The following BRINP3 variants were observed in gnomAD, a reference collection of about 807,000 sequenced individuals.
BRINP3 encodes the protein BMP/retinoic acid-inducible neural-specific protein 3.
Under a neutral mutation model 71.0 loss-of-function variants are expected in BRINP3, and 19 were observed. The observed-to-expected ratio is 0.27, with a 90% CI of 0.19 to 0.39. BRINP3 has a LOEUF of 0.39. BRINP3 is among the 10% of genes least tolerant of loss of function. The pLI is 1.00. For synonymous variants in BRINP3, 380 were observed against 337.7 expected, an observed-to-expected ratio of 1.13 and a Z score of -1.37; for missense variants, 959 against 940.8, an observed-to-expected ratio of 1.02 and a Z score of -0.25.
chr1:190,240,594 G>A lies in BRINP3; in HGVS notation c.619-6117C>T, dbSNP rs181488462. ...TATTAAAACTCTCAAGTGGGGGTGG[G>A]TGTGATTGCTCAAGCATGTAATCCC... is the stretch of plus-strand genomic sequence containing the variant. On this transcript the variant is annotated intron_variant, in intron 4 of 7. Transcript: ENST00000367462. Among the ~76,000 whole-genome samples, 5 of 152,122 alleles carry A rather than the reference G, an allele frequency of 3.3e-5. No individual in the cohort carries two copies. In the East Asian group the frequency reaches 9.7e-4, roughly 29 times the overall value.
chr1:190,417,242 CA>C (rs896314962), intron 2 of BRINP3, among the ~76,000 whole-genome samples: 67 of 146,232 alleles, frequency 4.6e-4, no homozygotes, highest in African/African-American at 1.1e-3. Context: ...TGGCTCTTAA[CA>C]AAAAAAAAAT....
chr1:190,194,635 T>A (rs943675301), intron 6 of BRINP3, among the ~76,000 whole-genome samples: 1 of 152,002 alleles, frequency 6.6e-6, no homozygotes, highest in African/African-American at 2.4e-5. Context: ...GAAACCTGAT[T>A]TTTTTTCCTA....
intron 4 of BRINP3, among the ~76,000 whole-genome samples, chr1:190,245,134 C>G (rs1659466211): frequency 6.6e-6 from 1 of 151,892 alleles, no homozygotes; most frequent in Admixed American, 6.6e-5. Context: ...CCCGAGAGAA[C>G]TGATAAAGCG....
intron 6 of BRINP3, among the ~76,000 whole-genome samples, chr1:190,200,593 G>A (rs552610487): frequency 6.6e-6 from 1 of 152,032 alleles, no homozygotes; most frequent in African/African-American, 2.4e-5. Context: ...TGTTCAATTA[G>A]TCATGTGATG....
At chr1:190,463,960 C>G (rs1676566308) in intron 1 of BRINP3, among the ~76,000 whole-genome samples, 1 of 151,758 alleles carries the variant, frequency 6.6e-6, no homozygotes, top group Admixed American at 6.6e-5. Flanking sequence ...TAGGATTTTG[C>G]TATTCTATTT....
chr1:190,102,387 CTT>C (rs1651777966), intron 7 of BRINP3, among the ~76,000 whole-genome samples: 1 of 152,106 alleles, frequency 6.6e-6, no homozygotes, highest in African/African-American at 2.4e-5. Context: ...TGTATTTCCA[CTT>C]TGTTTCTTTT....
chr1:190,349,117 C>A (rs1400057205), intron 2 of BRINP3, among the ~76,000 whole-genome samples: 1 of 152,058 alleles, frequency 6.6e-6, no homozygotes, highest in African/African-American at 2.4e-5. Flanking sequence ...ATAAGCAGTT[C>A]TACTAAGCTC....
intron 2 of BRINP3, among the ~76,000 whole-genome samples, chr1:190,326,729 A>G (rs1666600116): frequency 6.6e-6 from 1 of 152,140 alleles, no homozygotes; most frequent in East Asian, 1.9e-4. Context: ...AACAAATAAA[A>G]TATTTTCCAG....
At chr1:190,443,580 G>GC (rs1674985897) in intron 2 of BRINP3, among the ~76,000 whole-genome samples, 1 of 152,102 alleles carries the variant, frequency 6.6e-6, no homozygotes, top group Non-Finnish European at 1.5e-5. Context: ...ACAGAACCAG[G>GC]CAGCCATACC....
intron 7 of BRINP3, among the ~76,000 whole-genome samples, chr1:190,104,003 A>T (rs1039101984): frequency 6.6e-6 from 1 of 151,786 alleles, no homozygotes; most frequent in Non-Finnish European, 1.5e-5. Flanking sequence ...AATTTTAATG[A>T]CTTAGTTACA....
intron 7 of BRINP3, among the ~76,000 whole-genome samples, chr1:190,111,517 C>G (rs1291932914): frequency 6.6e-6 from 1 of 152,120 alleles, no homozygotes. Flanking sequence ...TTGTTCAACA[C>G]AATGTGCCAA....
Position 190,444,126 on chromosome 1 carries a change from G to T in BRINP3, c.236+10529C>A, listed in dbSNP as rs567608322. On this transcript the variant is annotated intron_variant, in intron 2 of 7. Coordinates refer to ENST00000367462, the MANE Select transcript of BRINP3 (RefSeq NM_199051.3). The stretch of plus-strand genomic sequence containing the variant: ...CCCATGCCTGTAATCCCAGGTACTC[G>T]GGAGGCTGAGGCAGGAGAATAGTTT... 1.5e-4 allele frequency among the ~76,000 whole-genome samples: 22 copies of T among 151,720 alleles called. 1 individual carries two copies. The South Asian group carries it at 4.6e-3, about 32-fold the overall frequency.
rs377349420 is a variant in BRINP3 at position 190,435,508 on chromosome 1, ATAT to A, written c.236+19144_236+19146del. On this transcript the variant is annotated intron_variant, in intron 2 of 7. Coordinates refer to ENST00000367462, the MANE Select transcript of BRINP3 (RefSeq NM_199051.3). ...AGGAATAAGTGAACAAATTAGGAAA[ATAT>A]TATTATGGTTAGTTGGTTAGAATTA... Among the ~76,000 whole-genome samples, 56 of 152,146 alleles carry A rather than the reference ATAT, an allele frequency of 3.7e-4. No homozygotes were observed. The East Asian group carries it at 8.5e-3, about 23-fold the overall frequency.
At chr1:190,458,784 A>C (rs933422536) in intron 1 of BRINP3, among the ~76,000 whole-genome samples, 2 of 151,986 alleles carry the variant, frequency 1.3e-5, no homozygotes, top group African/African-American at 4.8e-5. Context: ...TAAACTAATA[A>C]TGAATTTATC....
chr1:190,446,555 T>C (rs559441555), intron 2 of BRINP3, among the ~76,000 whole-genome samples: 1 of 152,142 alleles, frequency 6.6e-6, no homozygotes. Context: ...GAAGTAATTG[T>C]AAGTGATTTT....
At chr1:190,304,099 T>C (rs910243253) in intron 2 of BRINP3, among the ~76,000 whole-genome samples, 6 of 151,844 alleles carry the variant, frequency 4.0e-5, no homozygotes, top group Non-Finnish European at 8.9e-5. Flanking sequence ...TGCCACTAAC[T>C]CGTTTTATGA....
chr1:190,106,446 A>G (rs749015093), intron 7 of BRINP3, among the ~76,000 whole-genome samples: 1 of 151,656 alleles, frequency 6.6e-6, no homozygotes. Flanking sequence ...TCTAAACAAT[A>G]AATTTTAAGG....
At chr1:190,290,867 T>TA (rs1245172802) in intron 2 of BRINP3, among the ~76,000 whole-genome samples, 1 of 151,754 alleles carries the variant, frequency 6.6e-6, no homozygotes, top group Non-Finnish European at 1.5e-5. Flanking sequence ...AGGTGGCTGT[T>TA]ACTGGTAATG....
In BRINP3 at chr1:190,129,273, A is replaced by G. The variant is rs556834401; in HGVS notation, c.1185-30139T>C. 5.3e-5 allele frequency among the ~76,000 whole-genome samples: 8 copies of G among 151,882 alleles called. No individual in the cohort carries two copies. The South Asian group carries it at 1.4e-3, about 28-fold the overall frequency. On this transcript the variant is annotated intron_variant, in intron 7 of 7. Transcript: ENST00000367462. ...CCAATAGTTTCCTCTATGTAAACCA[A>G]TTGTAAAATGTATTCAGCTCAGACA...
Sources: allele counts gnomAD v4.1 joint callset (sites outside exome capture counted in the v4.1 genomes callset), GRCh38; gene constraint gnomAD v4.1.1; transcripts MANE v1.5; gene names NCBI Gene and HGNC (gene_info 2026-07-23, HGNC 2026-07-21).